Variants in TRPC6 observed in about 807,000 individuals in gnomAD.
TRPC6 encodes transient receptor potential cation channel subfamily C member 6, also known as short transient receptor potential channel 6.
A neutral mutation model predicts 90.7 loss-of-function variants in TRPC6; 55 were observed. The observed-to-expected ratio is 0.61, with a 90% CI of 0.49 to 0.76. TRPC6 has a LOEUF of 0.76. Ranked by LOEUF, TRPC6 falls within the 30% of genes least tolerant of loss-of-function variation. The pLI, the probability that TRPC6 is intolerant of heterozygous loss-of-function variation, is 0.00. For synonymous variants in TRPC6, 393 were observed against 393.0 expected (o/e 1.00, Z 0.00); for missense variants, 989 against 1,122.7 (o/e 0.88, Z 1.70).
At chr11:101,486,843 G>A (rs1213440702) in intron 4 of TRPC6, among the ~76,000 whole-genome samples, 1 of 152,084 alleles carries the variant, frequency 6.6e-6, no homozygotes, top group African/African-American at 2.4e-5. Flanking sequence ...CCTGTGGCCT[G>A]TAAAGCATAT....
intron 1 of TRPC6, among the ~76,000 whole-genome samples, chr11:101,525,007 T>G (rs556576936): frequency 1.3e-5 from 2 of 152,312 alleles, no homozygotes; most frequent in South Asian, 4.1e-4. Context: ...TAAAATAGCC[T>G]TTGCGTTAAG....
At chr11:101,485,780 T>C (rs1253658385) in intron 4 of TRPC6, among the ~76,000 whole-genome samples, 1 of 151,950 alleles carries the variant, frequency 6.6e-6, no homozygotes, top group Non-Finnish European at 1.5e-5. Context: ...AAACACGAGG[T>C]TGGGGACATA....
At chr11:101,575,197 C>A (rs914724417) in intron 1 of TRPC6, among the ~76,000 whole-genome samples, 2 of 152,168 alleles carry the variant, frequency 1.3e-5, no homozygotes, top group Non-Finnish European at 2.9e-5. Context: ...GCAGTTTTAT[C>A]CACATGATGG....
chr11:101,487,618 T>C (rs1859706704), intron 4 of TRPC6, among the ~76,000 whole-genome samples: 1 of 142,028 alleles, frequency 7.0e-6, no homozygotes, highest in African/African-American at 2.8e-5. Flanking sequence ...GCAAAATCTG[T>C]CATTTTTAGT....
chr11:101,477,213 G>A (rs970090962), intron 5 of TRPC6, among the ~76,000 whole-genome samples: 3 of 150,730 alleles, frequency 2.0e-5, no homozygotes, highest in Admixed American at 1.3e-4. Flanking sequence ...CAACCTTCCT[G>A]CCTGCTCTCT....
intron 5 of TRPC6, among the ~76,000 whole-genome samples, chr11:101,480,794 T>A (rs927754201): frequency 6.6e-6 from 1 of 152,202 alleles, no homozygotes; most frequent in African/African-American, 2.4e-5. Flanking sequence ...AAATAAACTA[T>A]GAGACATGGG....
At chr11:101,483,577 G>T (rs1033278207) in intron 4 of TRPC6, among the ~76,000 whole-genome samples, 6 of 152,282 alleles carry the variant, frequency 3.9e-5, no homozygotes, top group Non-Finnish European at 5.9e-5. Flanking sequence ...CTTGGTGGGT[G>T]TCCTCACATA....
At chr11:101,578,671 T>C (rs1370664422) in intron 1 of TRPC6, among the ~76,000 whole-genome samples, 1 of 152,180 alleles carries the variant, frequency 6.6e-6, no homozygotes, top group Non-Finnish European at 1.5e-5. Flanking sequence ...CCTCTAAGAC[T>C]GTGATGCAAT....
At position 101,455,027 on chromosome 11, in the gene TRPC6, T is replaced by C; in HGVS notation, c.2559A>G (p.Arg853=). The change falls in exon 11 of 13, where the codon AGA becomes AGG. Residue 853 remains arginine (R), a synonymous_variant. Transcript: ENST00000344327. Reference sequence around the variant, plus strand: ...AAAAATCCATGCTTACCTGATATTGTCTTGGAGGATTATTGAAACTATTTA... The same window carrying C: ...AAAAATCCATGCTTACCTGATATTGCCTTGGAGGATTATTGAAACTATTTA... The part of the protein sequence containing the change: ...FHLNSFNNPP[R]QYQKIMKRLI... 1 of 1,611,850 alleles carries C rather than the reference T, an allele frequency of 6.2e-7. No individual in the cohort carries two copies. Among genetic ancestry groups the C allele is most frequent in the Non-Finnish European group, 8.5e-7 (1 of 1,178,450 alleles).
At chr11:101,514,585 C>T (rs890223535) in intron 1 of TRPC6, among the ~76,000 whole-genome samples, 1 of 152,160 alleles carries the variant, frequency 6.6e-6, no homozygotes, top group African/African-American at 2.4e-5. Flanking sequence ...TGGTTCCTGG[C>T]TCAATTTAAC....
At chr11:101,480,973 T>G (rs996626876) in intron 5 of TRPC6, among the ~76,000 whole-genome samples, 1 of 152,250 alleles carries the variant, frequency 6.6e-6, no homozygotes, top group African/African-American at 2.4e-5. Flanking sequence ...ATCATTACTT[T>G]GGTGATACAA....
At chr11:101,462,089 GT>G (rs1238987148) in intron 10 of TRPC6, among the ~76,000 whole-genome samples, 1 of 152,124 alleles carries the variant, frequency 6.6e-6, no homozygotes, top group Admixed American at 6.5e-5. Flanking sequence ...CCCATTGCTT[GT>G]TTTTGTCAGG....
At chr11:101,554,353 G>A (rs978479701) in intron 1 of TRPC6, among the ~76,000 whole-genome samples, 8 of 151,780 alleles carry the variant, frequency 5.3e-5, no homozygotes, top group Non-Finnish European at 8.8e-5. Flanking sequence ...TTACATTTAT[G>A]TTATGCTTGG....
At chr11:101,527,625 A>G (rs1860808218) in intron 1 of TRPC6, among the ~76,000 whole-genome samples, 1 of 152,204 alleles carries the variant, frequency 6.6e-6, no homozygotes, top group African/African-American at 2.4e-5. Flanking sequence ...TTATAAAAAC[A>G]ATGGTATAAA....
intron 11 of TRPC6, 88 bp from the exon 12 acceptor site, chr11:101,453,813 T>C: frequency 8.0e-7 from 1 of 1,244,214 alleles, no homozygotes. Context: ...TCTTCCTCCC[T>C]GTAGTGAGCC....
At chr11:101,552,179 C>A (rs905496936) in intron 1 of TRPC6, among the ~76,000 whole-genome samples, 2 of 152,026 alleles carry the variant, frequency 1.3e-5, no homozygotes, top group South Asian at 2.1e-4. Context: ...ATTTTCAGAA[C>A]TTAGAAACTT....
chr11:101,467,844 C>A (rs1329628902), intron 10 of TRPC6, among the ~76,000 whole-genome samples: 4 of 152,192 alleles, frequency 2.6e-5, no homozygotes, highest in Non-Finnish European at 5.9e-5. Flanking sequence ...AGGGCTATGG[C>A]TTGTTGACCC....
chr11:101,561,779 A>T (rs984166645), intron 1 of TRPC6, among the ~76,000 whole-genome samples: 2 of 151,680 alleles, frequency 1.3e-5, no homozygotes, highest in African/African-American at 4.8e-5. Context: ...CAAGCATAGT[A>T]TGACCCCATT....
intron 8 of TRPC6, 88 bp from the exon 9 acceptor site, chr11:101,471,474 C>A: frequency 7.1e-7 from 1 of 1,402,758 alleles, no homozygotes; most frequent in South Asian, 1.2e-5. Flanking sequence ...AGATGGAGGA[C>A]AATGCCTATA....
Sources: allele counts gnomAD v4.1 joint callset (sites outside exome capture counted in the v4.1 genomes callset), GRCh38; gene constraint gnomAD v4.1.1; transcripts MANE v1.5; gene names NCBI Gene and HGNC (gene_info 2026-07-23, HGNC 2026-07-21).